TANC1: variants seen among roughly 807,000 people sequenced by gnomAD.
TANC1 encodes tetratricopeptide repeat, ankyrin repeat and coiled-coil containing 1.
In TANC1, 77 loss-of-function variants were observed where a neutral mutation model predicts 149.7. The observed-to-expected ratio is 0.51, with a 90% CI of 0.43 to 0.62. The LOEUF (loss-of-function observed/expected upper bound fraction) is 0.62. TANC1 is among the 20% of genes least tolerant of loss of function. The pLI is 0.00. For synonymous variants in TANC1, 854 were observed against 925.0 expected (o/e 0.92, Z 1.39); for missense variants, 1,985 against 2,321.8 (o/e 0.85, Z 2.98).
Position 159,178,618 on chromosome 2 carries a change from C to A in TANC1, c.1965C>A (p.Asp655Glu). ...TAGATGACTTCCCAGACAACAAAGA[C>A]ATCCACAGTGACCTGCACGCCTACG... ...LSLDDFPDNK[D>E]IHSDLHAYVQ... Residue 655 changes from aspartate to glutamate, a missense_variant, in exon 14 of 27, where the codon GAC becomes GAA. Asp to Glu is a conservative substitution (Grantham distance 45). Transcript: ENST00000263635. The A allele has an allele frequency of 6.2e-7, 1 of 1,612,624 alleles. No homozygotes were observed. Among genetic ancestry groups the A allele is most frequent in the Non-Finnish European group, 8.5e-7 (1 of 1,179,404 alleles).
At chr2:158,994,218 C>T (rs1169445356) in intron 1 of TANC1, among the ~76,000 whole-genome samples, 2 of 151,958 alleles carry the variant, frequency 1.3e-5, no homozygotes, top group African/African-American at 2.4e-5. Flanking sequence ...AGAGGTGGTG[C>T]GTAGGAGCAG....
intron 16 of TANC1, among the ~76,000 whole-genome samples, chr2:159,187,642 A>G (rs1259132788): frequency 6.6e-6 from 1 of 152,144 alleles, no homozygotes; most frequent in Non-Finnish European, 1.5e-5. Flanking sequence ...GCAGCCTGTT[A>G]AGGCCACAGA....
chr2:159,087,225 C>G (rs1388544936), intron 3 of TANC1, among the ~76,000 whole-genome samples: 1 of 152,148 alleles, frequency 6.6e-6, no homozygotes, highest in Non-Finnish European at 1.5e-5. Flanking sequence ...TTGGTTTATA[C>G]AGTTTCTTAT....
chr2:159,149,159 G>T lies in TANC1; in HGVS notation c.382G>T (p.Glu128Ter). ...TGTTCCAGAAGCAAAGGCCGATAAT[G>T]AACCGAGCTGTTCGCCGGCAGCTCA... Reference protein sequence around the residue: ...PDEHEAKADNEPSCSPAAQEL... With the variant: ...PDEHEAKADN Residue 128 changes from glutamate (E) to a stop codon, truncating the protein, a stop_gained, in exon 6 of 27, where the codon GAA becomes TAA. Transcript: ENST00000263635. LOFTEE classifies it high-confidence loss of function. 6.2e-7 allele frequency: 1 copy of T among 1,605,204 alleles called. No individual in the cohort carries two copies. The highest frequency in any genetic ancestry group is 1.1e-5 in the South Asian group (1 of 89,654).
intron 4 of TANC1, among the ~76,000 whole-genome samples, chr2:159,126,972 G>A (rs1170641302): frequency 6.6e-6 from 1 of 152,226 alleles, no homozygotes; most frequent in Non-Finnish European, 1.5e-5. Context: ...ATGACAGATT[G>A]CACTGGAAGA....
chr2:158,981,493 A>T (rs1221130643), intron 1 of TANC1, among the ~76,000 whole-genome samples: 11 of 48,558 alleles, frequency 2.3e-4, no homozygotes, highest in Admixed American at 1.3e-3. Flanking sequence ...TATAGCTTTT[A>T]TATATATATA....
chr2:159,076,811 T>C (rs1368916334), intron 3 of TANC1, among the ~76,000 whole-genome samples: 1 of 152,184 alleles, frequency 6.6e-6, no homozygotes, highest in Non-Finnish European at 1.5e-5. Context: ...ACTCAGAGTG[T>C]AGTGTTTGTA....
chr2:159,220,267 A>C (rs1225643461), intron 22 of TANC1, among the ~76,000 whole-genome samples: 1 of 148,668 alleles, frequency 6.7e-6, no homozygotes, highest in Non-Finnish European at 1.5e-5. Flanking sequence ...TCAAATGACT[A>C]CCTGGTTGCT....
chr2:159,158,738 C>G (rs1575016632), intron 7 of TANC1, among the ~76,000 whole-genome samples: 1 of 152,156 alleles, frequency 6.6e-6, no homozygotes, highest in African/African-American at 2.4e-5. Context: ...AAGCTTTACT[C>G]CTAAGTTTCC....
chr2:158,990,911 A>G (rs2035553366), intron 1 of TANC1, among the ~76,000 whole-genome samples: 1 of 151,982 alleles, frequency 6.6e-6, no homozygotes, highest in Admixed American at 6.6e-5. Context: ...CGTCTCTACA[A>G]AAAATACAAA....
At chr2:158,989,494 C>A (rs2035381444) in intron 1 of TANC1, among the ~76,000 whole-genome samples, 1 of 151,586 alleles carries the variant, frequency 6.6e-6, no homozygotes, top group African/African-American at 2.4e-5. Flanking sequence ...CCTATAGTCC[C>A]AGCCACTTGG....
intron 1 of TANC1, among the ~76,000 whole-genome samples, chr2:158,978,322 G>A (rs915908154): frequency 6.6e-6 from 1 of 152,100 alleles, no homozygotes; most frequent in Non-Finnish European, 1.5e-5. Context: ...GAGATTGAGG[G>A]CAGGGAGCTC....
At chr2:159,111,695 G>A (rs1410568293) in intron 4 of TANC1, among the ~76,000 whole-genome samples, 2 of 152,164 alleles carry the variant, frequency 1.3e-5, no homozygotes, top group African/African-American at 4.8e-5. Flanking sequence ...TGGCAGTGCT[G>A]CCTCCTCCTC....
rs1021880568 is a variant in TANC1 at position 159,182,836 on chromosome 2, G to T, written c.2511-2955G>T. Among the ~76,000 whole-genome samples the T allele has an allele frequency of 1.2e-4, 19 of 152,208 alleles. 1 individual carries two copies. Among genetic ancestry groups the T allele is most frequent in the Admixed American group, 1.2e-3 (18 of 15,276 alleles). On this transcript the variant is annotated intron_variant, in intron 14 of 26. Transcript: ENST00000263635. Reference sequence around the variant, plus strand: ...TTTTAAGATCCATCAGTTTTTTGGGGTTGCACAGGAAGTCTCATCTGGAAC... The same window carrying T: ...TTTTAAGATCCATCAGTTTTTTGGGTTTGCACAGGAAGTCTCATCTGGAAC...
rs1313030056 is a variant in TANC1, at chr2:159,102,735, T to TTTTC, written c.259+4902_259+4903insTTCT. Among the ~76,000 whole-genome samples, 62 of 51,068 alleles carry TTTTC rather than the reference T, an allele frequency of 1.2e-3. 2 individuals carry two copies. The highest frequency in any genetic ancestry group is 2.0e-3 in the Non-Finnish European group (37 of 18,818). The allele number at this position is 51,068 out of a possible 152,430, so 33.5% of individuals were successfully genotyped here. A position where few individuals can be genotyped will look rare whatever the true frequency, so the allele number is the denominator to read the frequency against. The stretch of plus-strand genomic sequence containing the variant: ...TGCTTTTTTTTTTTTTTTTTTTTTT[T>TTTTC]TGAGATGGAGTCTCGCTCTATTGCC... On this transcript the variant is annotated intron_variant, in intron 4 of 26. Coordinates refer to ENST00000263635, the MANE Select transcript of TANC1 (RefSeq NM_033394.3).
chr2:159,187,133 G>A (rs1271534160), intron 16 of TANC1, 109 bp downstream of exon 16: 1 of 1,307,014 alleles, frequency 7.7e-7, no homozygotes, highest in Non-Finnish European at 1.0e-6. Context: ...AGAGGACGCA[G>A]AGGAGCTTCT....
chr2:159,228,747 A>C, intron 25 of TANC1, 49 bp from the exon 26 acceptor site: 2 of 1,379,710 alleles, frequency 1.4e-6, no homozygotes, highest in South Asian at 1.2e-5. Context: ...GCTTCCCACA[A>C]TCGTGTGTCC....
intron 19 of TANC1, among the ~76,000 whole-genome samples, chr2:159,204,622 C>T (rs1173963833): frequency 6.6e-6 from 1 of 152,186 alleles, no homozygotes; most frequent in Non-Finnish European, 1.5e-5. Flanking sequence ...ACACCCAGAG[C>T]CCCATGCTTC....
At chr2:159,159,814 C>G (rs2053858770) in intron 7 of TANC1, among the ~76,000 whole-genome samples, 1 of 148,236 alleles carries the variant, frequency 6.7e-6, no homozygotes, top group Non-Finnish European at 1.5e-5. Flanking sequence ...TGGTTCTCAG[C>G]CTATCTGCCT....
Sources: gnomAD v4.1 joint callset for allele counts (sites outside exome capture counted in the v4.1 genomes callset) on GRCh38, gnomAD v4.1.1 for gene constraint, MANE v1.5 for transcripts, NCBI Gene and HGNC (gene_info 2026-07-23, HGNC 2026-07-21) for gene names.